DOCK10: variants seen among roughly 807,000 people sequenced by gnomAD.
DOCK10 encodes the protein dedicator of cytokinesis 10, also known as dedicator of cytokinesis protein 10.
DOCK10 carries 145 observed loss-of-function variants against 280.1 expected under a neutral mutation model. That is an observed-to-expected ratio of 0.52 (90% CI 0.45 to 0.59). DOCK10 has a LOEUF of 0.59. Among genes scored for constraint, DOCK10 ranks in the 20% least tolerant of loss-of-function variants. The pLI, the probability that DOCK10 is intolerant of heterozygous loss-of-function variation, is 0.00. For missense variants in DOCK10, 2,368 were observed against 2,651.7 expected (o/e 0.89, Z 2.35); for synonymous variants, 915 against 942.2 (o/e 0.97, Z 0.53).
chr2:225,019,944 A>G (rs897021391), intron 1 of DOCK10, among the ~76,000 whole-genome samples: 1 of 152,172 alleles, frequency 6.6e-6, no homozygotes, highest in Admixed American at 6.6e-5. Flanking sequence ...CCCTTAATAC[A>G]TGGGTGTAAA....
Position 224,841,820 on chromosome 2 carries a change from A to C in DOCK10, c.2645T>G (p.Phe882Cys). ...TCATGTTACCTTACAAGAGCGGATG[A>C]AATTTGAGGTAGGTGACTGAGACAT... ...KDMSQSPTSN[F>C]IRSCKNLLNV... The change falls in exon 23 of 56, where the codon TTC becomes TGC. Residue 882 changes from phenylalanine to cysteine, a missense_variant. Phe to Cys is a radical substitution (Grantham distance 205). Around this residue, in one of 2 missense-constraint regions of DOCK10, gnomAD observed 1,209 missense variants for 1,250.9 expected, o/e 0.97. Coordinates refer to ENST00000258390, the MANE Select transcript of DOCK10 (RefSeq NM_014689.3). 2 of 1,611,846 alleles carry C rather than the reference A, an allele frequency of 1.2e-6. No individual in the cohort carries two copies. The highest frequency in any genetic ancestry group is 8.5e-7 in the Non-Finnish European group (1 of 1,177,974).
chr2:224,934,756 A>G (rs1369364749), intron 1 of DOCK10, among the ~76,000 whole-genome samples: 1 of 152,234 alleles, frequency 6.6e-6, no homozygotes, highest in African/African-American at 2.4e-5. Flanking sequence ...CTTGAATTTA[A>G]TGTGCTTGTT....
chr2:225,020,321 A>G (rs1295618309), intron 1 of DOCK10, among the ~76,000 whole-genome samples: 1 of 152,186 alleles, frequency 6.6e-6, no homozygotes, highest in African/African-American at 2.4e-5. Context: ...AATATAGTCT[A>G]TAGAGCAGAA....
intron 1 of DOCK10, among the ~76,000 whole-genome samples, chr2:224,985,448 T>TA (rs1046437859): frequency 2.0e-5 from 3 of 151,666 alleles, no homozygotes; most frequent in African/African-American, 4.8e-5. Context: ...TTGTGTACAA[T>TA]AAAAAATGTT....
At chr2:224,895,030 C>G (rs2125819976) in intron 4 of DOCK10, among the ~76,000 whole-genome samples, 1 of 152,324 alleles carries the variant, frequency 6.6e-6, no homozygotes, top group Non-Finnish European at 1.5e-5. Flanking sequence ...TAAGCTCTAG[C>G]CTTCCTGACT....
In DOCK10 at chr2:224,808,071, G is replaced by T. The variant is rs745377326; in HGVS notation, c.3425C>A (p.Ser1142Ter). ...TTTGCGACAAAATTCATTTGTGACTGAATATTCAGGCATATCTTTGTGAGG... is the reference window on the plus strand; with the variant it reads ...TTTGCGACAAAATTCATTTGTGACTTAATATTCAGGCATATCTTTGTGAGG... ...ELHASDMPEY[S>*]VTNEFCRKHF... Residue 1142 changes from serine (S) to a stop codon, truncating the protein, a stop_gained, in exon 32 of 56, where the codon TCA (serine) becomes TAA (stop). Transcript: ENST00000258390. LOFTEE classifies it high-confidence loss of function. 2.5e-6 allele frequency: 4 copies of T among 1,611,464 alleles called. No homozygotes were observed. In the African/African-American group the frequency reaches 5.3e-5, roughly 22 times the overall value.
chr2:224,916,955 G>C (rs577561758), intron 2 of DOCK10, among the ~76,000 whole-genome samples, 171 bp from the exon 3 acceptor site: 1 of 152,180 alleles, frequency 6.6e-6, no homozygotes, highest in African/African-American at 2.4e-5. Context: ...AGAAGATGTG[G>C]ACATTTATTT....
chr2:224,904,095 C>T (rs1204891448), intron 3 of DOCK10, among the ~76,000 whole-genome samples: 4 of 152,022 alleles, frequency 2.6e-5, no homozygotes, highest in Non-Finnish European at 4.4e-5. Context: ...TTGTTTTGGC[C>T]ATGATAGGAA....
intron 1 of DOCK10, among the ~76,000 whole-genome samples, chr2:225,008,271 C>T (rs1054693926): frequency 2.6e-5 from 4 of 152,168 alleles, no homozygotes; most frequent in Non-Finnish European, 5.9e-5. Flanking sequence ...GTAGCTAGGA[C>T]TACAGGCATG....
At chr2:224,779,746 A>G (rs1691167968) in intron 50 of DOCK10, among the ~76,000 whole-genome samples, 1 of 152,212 alleles carries the variant, frequency 6.6e-6, no homozygotes. Context: ...AAGCACTTTC[A>G]TACATGTAAA....
At chr2:224,915,177 T>G (rs2125929468) in intron 3 of DOCK10, among the ~76,000 whole-genome samples, 1 of 152,182 alleles carries the variant, frequency 6.6e-6, no homozygotes, top group East Asian at 1.9e-4. Flanking sequence ...CTGCCTAAGT[T>G]AACACATATT....
chr2:225,041,030 A>G (rs964060910), intron 1 of DOCK10, among the ~76,000 whole-genome samples: 29 of 149,006 alleles, frequency 1.9e-4, no homozygotes, highest in Non-Finnish European at 3.9e-4. Context: ...AATTCGTTTC[A>G]CACTCCAATC....
rs369023780 is a variant in DOCK10 at position 224,931,603 on chromosome 2, G to A, written c.189C>T (p.Thr63=). The A allele has an allele frequency of 8.7e-6, 14 of 1,611,974 alleles. No individual in the cohort carries two copies. The African/African-American group carries it at 1.3e-4, about 15-fold the overall frequency. ...GATCTTGAAGAGGATCATTCCGGTA[G>A]GTCTTTTCAAGTTCTTCAATGACAG... ...YETVIEELEK[T]YRNDPLQDLL... The change falls in exon 2 of 56, where the codon ACC becomes ACT. Residue 63 remains threonine, a synonymous_variant. Transcript: ENST00000258390.
At chr2:225,006,711 G>A (rs1313493257) in intron 1 of DOCK10, among the ~76,000 whole-genome samples, 1 of 152,216 alleles carries the variant, frequency 6.6e-6, no homozygotes, top group Admixed American at 6.5e-5. Context: ...AATAAAAGGA[G>A]CAAGGAAGGA....
chr2:224,874,770 G>A lies in DOCK10; in HGVS notation c.932-19C>T. 1 of 1,604,194 alleles carries A rather than the reference G, an allele frequency of 6.2e-7. No individual in the cohort carries two copies. Among genetic ancestry groups the A allele is most frequent in the Non-Finnish European group, 8.5e-7 (1 of 1,171,204 alleles). The stretch of plus-strand genomic sequence containing the variant: ...AGCGAATCTTAAAAAGATATACCAA[G>A]TCAGGTTATTAAATATTACTCACGA... On this transcript the variant is annotated intron_variant, in intron 8 of 55. Coordinates refer to ENST00000258390, the MANE Select transcript of DOCK10 (RefSeq NM_014689.3).
chr2:224,855,891 T>C (rs1053000204), intron 15 of DOCK10, among the ~76,000 whole-genome samples: 5 of 152,230 alleles, frequency 3.3e-5, no homozygotes, highest in African/African-American at 1.2e-4. Flanking sequence ...AAAGAAATTA[T>C]ATTAAACACA....
intron 4 of DOCK10, among the ~76,000 whole-genome samples, chr2:224,888,379 T>C (rs1466761588): frequency 1.3e-5 from 2 of 151,978 alleles, no homozygotes; most frequent in African/African-American, 2.4e-5. Context: ...TGTATGTATA[T>C]GTGTGTGAAT....
At chr2:224,904,798 C>T (rs1700495139) in intron 3 of DOCK10, among the ~76,000 whole-genome samples, 1 of 152,072 alleles carries the variant, frequency 6.6e-6, no homozygotes, top group Non-Finnish European at 1.5e-5. Flanking sequence ...TCTTTGTCAG[C>T]TTACATAATA....
rs1691765939 is a variant in DOCK10 at position 224,786,852 on chromosome 2, T to A, written c.5655+170A>T. ...CTCACTTGTTTCCCAACTTTGTACA[T>A]TCCTATGGATAAACATATAGACCAT... On this transcript the variant is annotated intron_variant, in intron 50 of 55. Coordinates refer to ENST00000258390, the MANE Select transcript of DOCK10 (RefSeq NM_014689.3). This position sits in a 1 kb window ranked among gnomAD's most constrained non-coding sequence, Gnocchi z 4.7. Among the ~76,000 whole-genome samples the A allele has an allele frequency of 6.6e-6, 1 of 152,180 alleles. No individual in the cohort carries two copies.
Sources: gnomAD v4.1 joint callset for allele counts (sites outside exome capture counted in the v4.1 genomes callset) on GRCh38, gnomAD v4.1.1 for gene constraint, gnomAD v4.1.1 regional missense constraint, Gnocchi (gnomAD v3.1) non-coding constraint, MANE v1.5 for transcripts, NCBI Gene and HGNC (gene_info 2026-07-23, HGNC 2026-07-21) for gene names.